Variants in RBPMS observed in about 807,000 individuals in gnomAD.
RBPMS encodes the protein RNA-binding protein with multiple splicing.
A neutral mutation model predicts 26.8 loss-of-function variants in RBPMS; 7 were observed. The observed-to-expected ratio is 0.26, with a 90% CI of 0.15 to 0.49. RBPMS has a LOEUF of 0.49. Among genes scored for constraint, RBPMS ranks in the 20% least tolerant of loss-of-function variants. The pLI is 0.98. For synonymous variants in RBPMS, 96 were observed against 93.3 expected (o/e 1.03, Z -0.17); for missense variants, 186 against 250.0 (o/e 0.74, Z 1.73).
At chr8:30,503,307 A>G (rs771165170) in intron 4 of RBPMS, among the ~76,000 whole-genome samples, 6 of 152,076 alleles carry the variant, frequency 3.9e-5, no homozygotes, top group Non-Finnish European at 5.9e-5. Context: ...CTGGAGTGCA[A>G]TGGCGCGATC....
chr8:30,462,038 AT>A (rs974126724), intron 1 of RBPMS, among the ~76,000 whole-genome samples: 1 of 152,152 alleles, frequency 6.6e-6, no homozygotes, highest in African/African-American at 2.4e-5. Context: ...ATTTATTCTC[AT>A]TGCTGATTAG....
intron 1 of RBPMS, among the ~76,000 whole-genome samples, chr8:30,449,829 G>A (rs957726458): frequency 6.6e-6 from 1 of 152,206 alleles, no homozygotes; most frequent in African/African-American, 2.4e-5. Context: ...TAGGCATTTT[G>A]CCTTTCACAG....
intron 1 of RBPMS, among the ~76,000 whole-genome samples, chr8:30,422,700 C>T (rs1018339768): frequency 1.3e-5 from 2 of 152,248 alleles, no homozygotes; most frequent in African/African-American, 4.8e-5. Flanking sequence ...TAAATAGATA[C>T]CTGAGTGTGG....
chr8:30,554,794 T>C (rs1826713036), intron 6 of RBPMS, among the ~76,000 whole-genome samples: 1 of 152,320 alleles, frequency 6.6e-6, no homozygotes, highest in East Asian at 1.9e-4. Context: ...GAGTATTTGC[T>C]TTCAGTAGTG....
intron 1 of RBPMS, chr8:30,444,716 AAAG>A (rs1375653638): frequency 2.6e-5 from 4 of 152,260 alleles, no homozygotes; most frequent in Non-Finnish European, 5.9e-5. Flanking sequence ...AAGACAGAAC[AAAG>A]AAGGCAGAGC....
chr8:30,492,445 G>A lies in RBPMS; in HGVS notation c.247-11841G>A, dbSNP rs73570074. On this transcript the variant is annotated intron_variant, in intron 4 of 8. Transcript: ENST00000397323. ...GCTGACACCACGCTTGTCAACACCA[G>A]TAACCCTTTGACTTAAAAAAAAAAT... Among the ~76,000 whole-genome samples, 647 of 149,880 alleles carry A rather than the reference G, an allele frequency of 4.3e-3. 3 individuals carry two copies. The highest frequency in any genetic ancestry group is 0.015 in the African/African-American group (603 of 41,272).
chr8:30,424,639 G>A (rs1811149816), intron 1 of RBPMS, among the ~76,000 whole-genome samples: 1 of 152,204 alleles, frequency 6.6e-6, no homozygotes, highest in Non-Finnish European at 1.5e-5. Context: ...AGAGAATGAG[G>A]ATAATAATGC....
chr8:30,505,990 T>C (rs1243440611), intron 5 of RBPMS, among the ~76,000 whole-genome samples: 2 of 152,202 alleles, frequency 1.3e-5, no homozygotes, highest in African/African-American at 4.8e-5. Flanking sequence ...GGAAATGTAA[T>C]GCTGGTGATA....
At chr8:30,390,732 C>T (rs992736811) in intron 1 of RBPMS, among the ~76,000 whole-genome samples, 6 of 152,142 alleles carry the variant, frequency 3.9e-5, no homozygotes, top group Admixed American at 3.3e-4. Flanking sequence ...CATTTAACTC[C>T]TGGTTATTAT....
In RBPMS at chr8:30,500,971, G is replaced by A. The variant is rs897392921; in HGVS notation, c.247-3315G>A. ...CCCTAGAGTTACCGCCAATCACTGT[G>A]ATTCTCAAATGTGGTCCCTACACAA... On this transcript the variant is annotated intron_variant, in intron 4 of 8. Coordinates refer to ENST00000397323, the MANE Select transcript of RBPMS (RefSeq NM_001008710.3). Among the ~76,000 whole-genome samples, 5 of 152,084 alleles carry A rather than the reference G, an allele frequency of 3.3e-5. No individual in the cohort carries two copies. In the East Asian group the frequency reaches 9.7e-4, roughly 30 times the overall value.
At chr8:30,415,862 T>A (rs1239366559) in intron 1 of RBPMS, among the ~76,000 whole-genome samples, 1 of 152,252 alleles carries the variant, frequency 6.6e-6, no homozygotes, top group African/African-American at 2.4e-5. Flanking sequence ...GACATACTGA[T>A]GTCTTCATCT....
chr8:30,418,164 G>A (rs1176547879), intron 1 of RBPMS, among the ~76,000 whole-genome samples: 3 of 152,130 alleles, frequency 2.0e-5, no homozygotes, highest in South Asian at 2.1e-4. Context: ...AGATAAGGCC[G>A]AATTGCTCTC....
intron 5 of RBPMS, among the ~76,000 whole-genome samples, chr8:30,519,276 C>T (rs571001008): frequency 2.9e-4 from 44 of 152,168 alleles, no homozygotes; most frequent in Admixed American, 5.2e-4. Flanking sequence ...ATCCCAAAAA[C>T]GAATCATTCA....
chr8:30,515,332 T>G (rs1021773379), intron 5 of RBPMS, among the ~76,000 whole-genome samples: 15 of 152,208 alleles, frequency 9.9e-5, no homozygotes, highest in Non-Finnish European at 2.1e-4. Flanking sequence ...TCAGATTCCA[T>G]AATCCAAGAC....
intron 4 of RBPMS, among the ~76,000 whole-genome samples, chr8:30,497,994 C>T (rs1326092432): frequency 6.6e-6 from 1 of 150,738 alleles, no homozygotes; most frequent in Admixed American, 6.7e-5. Context: ...TTGGAGTTGG[C>T]CGTGGAGGAA....
At chr8:30,513,395 C>T (rs974479828) in intron 5 of RBPMS, among the ~76,000 whole-genome samples, 3 of 151,892 alleles carry the variant, frequency 2.0e-5, no homozygotes, top group African/African-American at 7.3e-5. Context: ...TGAGACCATC[C>T]TGGCTAACAC....
intron 4 of RBPMS, among the ~76,000 whole-genome samples, chr8:30,483,519 G>T (rs572556564): frequency 1.3e-5 from 2 of 152,208 alleles, no homozygotes; most frequent in South Asian, 4.1e-4. Context: ...GATAGCTCTT[G>T]AGATGTAATT....
intron 1 of RBPMS, among the ~76,000 whole-genome samples, chr8:30,443,176 CT>C (rs1180696576): frequency 6.6e-6 from 1 of 152,092 alleles, no homozygotes; most frequent in Non-Finnish European, 1.5e-5. Flanking sequence ...TGGATATTGC[CT>C]TTTTGTAAAA....
Position 30,479,366 on chromosome 8 carries a change from A to C in RBPMS, c.235A>C (p.Asn79His). The C allele has an allele frequency of 6.2e-7, 1 of 1,601,526 alleles. No homozygotes were observed. The highest frequency in any genetic ancestry group is 8.5e-7 in the Non-Finnish European group (1 of 1,174,538). Residue 79 changes from asparagine to histidine, a missense_variant, in exon 4 of 9, where the codon AAT becomes CAT. Physicochemically the swap from Asn to His is moderately conservative, Grantham distance 68 (BLOSUM62 1). Coordinates refer to ENST00000397323, the MANE Select transcript of RBPMS (RefSeq NM_001008710.3). ...DSRSEAEAAK[N>H]ALNGIRFDPE... The stretch of plus-strand genomic sequence containing the variant: ...TCGCTCAGAAGCAGAGGCTGCAAAG[A>C]ATGCTTTGAATGTAAGTACTAATGA...
Sources: allele counts gnomAD v4.1 joint callset (sites outside exome capture counted in the v4.1 genomes callset), GRCh38; gene constraint gnomAD v4.1.1; transcripts MANE v1.5; gene names NCBI Gene and HGNC (gene_info 2026-07-23, HGNC 2026-07-21).